TAMALIN: variants seen among roughly 807,000 people sequenced by gnomAD.
TAMALIN encodes the protein trafficking regulator and scaffold protein tamalin, also known as protein TAMALIN.
TAMALIN carries 9 observed loss-of-function variants against 38.5 expected under a neutral mutation model. That is an observed-to-expected ratio of 0.23 (90% CI 0.14 to 0.41). The LOEUF (loss-of-function observed/expected upper bound fraction) is 0.41, where lower values mean the gene tolerates loss of function less well. Ranked by LOEUF, TAMALIN falls within the 10% of genes least tolerant of loss-of-function variation. The pLI is 1.00. For synonymous variants in TAMALIN, 306 were observed against 256.5 expected (o/e 1.19, Z -1.85); for missense variants, 548 against 554.1 (o/e 0.99, Z 0.11).
rs1942430378 is a variant in TAMALIN, at chr12:52,007,385, C to G, written c.246+120C>G. 9 of 1,270,012 alleles carry G rather than the reference C, an allele frequency of 7.1e-6. No homozygotes were observed. The South Asian group carries it at 1.4e-4, about 20-fold the overall frequency. The allele number at this position is 1,270,012 out of a possible 1,614,324, so 78.7% of individuals were successfully genotyped here. On this transcript the variant is annotated intron_variant, in intron 1 of 7. Transcript: ENST00000293662. The surrounding 1 kb of genome is among the most constrained non-coding windows in gnomAD (Gnocchi z 6.7). ...GGAGTCCCCCACCTTCTTCCCCGGC[C>G]CGCTGGGTGCCTCGACTCCCCGCGT... is the stretch of plus-strand genomic sequence containing the variant.
chr12:52,010,459 T>G (rs1942484199), intron 2 of TAMALIN: 2 of 1,012,962 alleles, frequency 2.0e-6, no homozygotes, highest in African/African-American at 3.5e-5. Flanking sequence ...GTGGTCTTGC[T>G]GAGCCTCGTG....
At position 52,010,397 on chromosome 12, in the gene TAMALIN, C is replaced by A. The variant is rs1030104210; in HGVS notation, c.297-484C>A. 5.0e-5 allele frequency: 30 copies of A among 595,552 alleles called. No individual in the cohort carries two copies. The Admixed American group carries it at 6.1e-4, about 12-fold the overall frequency. The allele number at this position is 595,552 out of a possible 1,614,324, so 36.9% of individuals were successfully genotyped here. A position where few individuals can be genotyped will look rare whatever the true frequency, so the allele number is the denominator to read the frequency against. ...AGGGGCGGCCTCGAGGCTCCCCTCCCCCAGCCCCCACATCTGGTGGGCTGG... is the reference window on the plus strand; with the variant it reads ...AGGGGCGGCCTCGAGGCTCCCCTCCACCAGCCCCCACATCTGGTGGGCTGG... On this transcript the variant is annotated intron_variant, in intron 2 of 7. Coordinates refer to ENST00000293662, the MANE Select transcript of TAMALIN (RefSeq NM_181711.4).
In TAMALIN at chr12:52,014,915, C is replaced by A. The variant is rs1468288326; in HGVS notation, c.904C>A (p.Pro302Thr). Residue 302 changes from proline (P) to threonine (T), a missense_variant, in exon 8 of 8, where the codon CCG becomes ACG. This residue lies in a region of TAMALIN where 415 missense variants were observed against 417.0 expected (regional missense o/e 1.00). Coordinates refer to ENST00000293662, the MANE Select transcript of TAMALIN (RefSeq NM_181711.4). ...CGAGCCGCCGGCGCTGCCGCCCCCG[C>A]CGCCCCCGGCCCGCGCCTTCGGCCC... ...DSEPPALPPP[P>T]PPARAFGPGP... 1 of 1,094,670 alleles carries A rather than the reference C, an allele frequency of 9.1e-7. No homozygotes were observed. The highest frequency in any genetic ancestry group is 1.1e-6 in the Non-Finnish European group (1 of 897,576). 67.8% of individuals were successfully genotyped at this position (1,094,670 alleles called of 1,614,324 possible).
chr12:52,011,469 C>T lies in TAMALIN; in HGVS notation c.454+328C>T. The T allele has an allele frequency of 1.8e-6, 1 of 571,204 alleles. No homozygotes were observed. The highest frequency in any genetic ancestry group is 1.9e-5 in the African/African-American group (1 of 53,434). The allele number at this position is 571,204 out of a possible 1,614,324, so 35.4% of individuals were successfully genotyped here. A position where few individuals can be genotyped will look rare whatever the true frequency, so the allele number is the denominator to read the frequency against. ...CTCTGATTCCTCCCAGCAACCCTGGCAGTCAGCATGGGCAGGAGCCAGGGA... is the reference window on the plus strand; with the variant it reads ...CTCTGATTCCTCCCAGCAACCCTGGTAGTCAGCATGGGCAGGAGCCAGGGA... On this transcript the variant is annotated intron_variant, in intron 4 of 7. Coordinates refer to ENST00000293662, the MANE Select transcript of TAMALIN (RefSeq NM_181711.4). This position sits in a 1 kb window ranked among gnomAD's most constrained non-coding sequence, Gnocchi z 5.3.
intron 4 of TAMALIN, among the ~76,000 whole-genome samples, chr12:52,013,086 T>G (rs1486260979): frequency 3.3e-5 from 5 of 149,840 alleles, no homozygotes; most frequent in Non-Finnish European, 7.4e-5. Context: ...TTTTTTTTTT[T>G]TTTTTTTTTG....
At chr12:52,009,279 G>A (rs1372842036) in intron 2 of TAMALIN, 40 bp downstream of exon 2, 2 of 1,601,998 alleles carry the variant, frequency 1.2e-6, no homozygotes, top group Admixed American at 1.7e-5. Context: ...GGTCCAAAGG[G>A]GTGAGGTGCT....
rs766979803 is a variant in TAMALIN, at chr12:52,014,788, C to T, written c.777C>T (p.Phe259=). The T allele has an allele frequency of 2.1e-6, 3 of 1,439,062 alleles. No homozygotes were observed. The highest frequency in any genetic ancestry group is 1.4e-5 in the South Asian group (1 of 70,938). 89.1% of individuals were successfully genotyped at this position (1,439,062 alleles called of 1,614,324 possible). ...GCCTGCTCCCGGGCTCGCTGCCCTT[C>T]GGGCCTCTGCTCGCCGTGCCCGGGC... is the stretch of plus-strand genomic sequence containing the variant. ...GAGLLPGSLP[F]GPLLAVPGRP... Residue 259 remains phenylalanine (F), a synonymous_variant, in exon 8 of 8, where the codon TTC becomes TTT. Coordinates refer to ENST00000293662, the MANE Select transcript of TAMALIN (RefSeq NM_181711.4).
chr12:52,014,035 T>G (rs1937726254), intron 6 of TAMALIN, 92 bp downstream of exon 6: 14 of 1,544,342 alleles, frequency 9.1e-6, no homozygotes, highest in Non-Finnish European at 1.3e-5. Context: ...CTCCTGTAAC[T>G]GAAGATTTCT....
In TAMALIN at chr12:52,015,163, C is replaced by G. The variant is rs747169769; in HGVS notation, c.1152C>G (p.Leu384=). 1.8e-5 allele frequency: 28 copies of G among 1,594,300 alleles called. No individual in the cohort carries two copies. In the East Asian group the frequency reaches 5.6e-4, roughly 32 times the overall value. Residue 384 remains leucine, a synonymous_variant, in exon 8 of 8, where the codon CTC becomes CTG. Transcript: ENST00000293662. ...GGCTGCTCAAGTTCATCCCCGGACT[C>G]AACCGCTCCCTGGAGGAGGAGGAGA... ...RRRLLKFIPG[L]NRSLEEEESQ...
intron 6 of TAMALIN, 34 bp downstream of exon 6, chr12:52,013,977 C>G (rs767036728): frequency 6.2e-7 from 1 of 1,606,092 alleles, no homozygotes; most frequent in Non-Finnish European, 8.5e-7. Flanking sequence ...AGCCTCCACC[C>G]TCCTCTTCCC....
chr12:52,014,890 C>G lies in TAMALIN; in HGVS notation c.879C>G (p.Ser293=), dbSNP rs1234907092. The change falls in exon 8 of 8, where the codon TCC becomes TCG. Residue 293 remains serine (S), a synonymous_variant. Transcript: ENST00000293662. ...AVYHTCFFGD[S]EPPALPPPPP... ...ACCACACGTGCTTCTTCGGGGACTC[C>G]GAGCCGCCGGCGCTGCCGCCCCCGC... 40 of 1,229,226 alleles carry G rather than the reference C, an allele frequency of 3.3e-5. No homozygotes were observed. The highest frequency in any genetic ancestry group is 4.0e-5 in the Non-Finnish European group (39 of 975,996). The allele number at this position is 1,229,226 out of a possible 1,614,324, so 76.1% of individuals were successfully genotyped here. A position where few individuals can be genotyped will look rare whatever the true frequency, so the allele number is the denominator to read the frequency against.
chr12:52,009,196 G>A lies in TAMALIN; in HGVS notation c.253G>A (p.Gly85Arg). The change falls in exon 2 of 8, where the codon GGA (glycine) becomes AGA (arginine). Residue 85 changes from glycine to arginine, a missense_variant. Physicochemically the swap from Gly to Arg is moderately radical, Grantham distance 125. This residue lies in a region of TAMALIN where 5 missense variants were observed against 19.2 expected (regional missense o/e 0.26). Transcript: ENST00000293662. ...GGTLPRRKGS[G>R]FRWKNLSQSP... is the part of the protein sequence containing the mutation. ...TGACCATCTTACTGCCCAGGGCTCA[G>A]GATTCCGCTGGAAGAATCTCAGCCA... The A allele has an allele frequency of 6.2e-7, 1 of 1,614,092 alleles. No homozygotes were observed. The highest frequency in any genetic ancestry group is 8.5e-7 in the Non-Finnish European group (1 of 1,180,002).
rs1228763656 is a variant in TAMALIN, at chr12:52,007,044, C to T, written c.25C>T (p.Leu9=). The T allele has an allele frequency of 6.9e-7, 1 of 1,450,244 alleles. No homozygotes were observed. The highest frequency in any genetic ancestry group is 9.0e-7 in the Non-Finnish European group (1 of 1,109,428). The allele number at this position is 1,450,244 out of a possible 1,614,324, so 89.8% of individuals were successfully genotyped here. A position where few individuals can be genotyped will look rare whatever the true frequency, so the allele number is the denominator to read the frequency against. The part of the protein sequence containing the change: MTLRRLRK[L]QQKEEAAATP... ...CATGACCCTCCGCCGACTCAGGAAG[C>T]TGCAGCAGAAGGAGGAGGCGGCGGC... The change falls in exon 1 of 8, where the codon CTG becomes TTG. Residue 9 remains leucine (L), a synonymous_variant. Coordinates refer to ENST00000293662, the MANE Select transcript of TAMALIN (RefSeq NM_181711.4). This position sits in a 1 kb window ranked among gnomAD's most constrained non-coding sequence, Gnocchi z 6.7.
At chr12:52,014,302 C>T in intron 7 of TAMALIN, 101 bp downstream of exon 7, 1 of 971,152 alleles carries the variant, frequency 1.0e-6, no homozygotes, top group Non-Finnish European at 1.6e-6. Flanking sequence ...GAACGGTTTA[C>T]TAGTAAACCT....
chr12:52,009,791 T>TC (rs1352470427), intron 2 of TAMALIN, among the ~76,000 whole-genome samples: 1 of 152,208 alleles, frequency 6.6e-6, no homozygotes, highest in Non-Finnish European at 1.5e-5. Context: ...TCTACTCATG[T>TC]CCCATCCCTG....
rs1204623390 is a variant in TAMALIN, at chr12:52,011,063, G to A, written c.376G>A (p.Glu126Lys). 6 of 1,613,256 alleles carry A rather than the reference G, an allele frequency of 3.7e-6. No homozygotes were observed. Residue 126 changes from glutamate to lysine, a missense_variant, in exon 4 of 8, where the codon GAG (glutamate) becomes AAG (lysine). Glu to Lys is a moderately conservative substitution (Grantham distance 56). Around this residue, in one of 3 missense-constraint regions of TAMALIN, gnomAD observed 415 missense variants for 417.0 expected, o/e 1.00. Transcript: ENST00000293662. The surrounding 1 kb of genome is among the most constrained non-coding windows in gnomAD (Gnocchi z 5.3). ...IQTYGLHHRE[E>K]QRVEMVTFVC... ...GACTTATGGCCTTCACCACCGGGAG[G>A]AGCAGCGTGTGGAAATGGTGACCTT...
rs1249162854 is a variant in TAMALIN at position 52,007,281 on chromosome 12, G to C, written c.246+16G>C. On this transcript the variant is annotated intron_variant, in intron 1 of 7. Coordinates refer to ENST00000293662, the MANE Select transcript of TAMALIN (RefSeq NM_181711.4). The surrounding 1 kb of genome is among the most constrained non-coding windows in gnomAD (Gnocchi z 6.7). ...CCGCCGAAAGGTGCGTCCCCCGCCCGCCTTCAGGATCTGCTCAGCCCCTCT... is the reference window on the plus strand; with the variant it reads ...CCGCCGAAAGGTGCGTCCCCCGCCCCCCTTCAGGATCTGCTCAGCCCCTCT... The C allele has an allele frequency of 1.4e-6, 2 of 1,398,804 alleles. No individual in the cohort carries two copies. The highest frequency in any genetic ancestry group is 1.9e-6 in the Non-Finnish European group (2 of 1,079,836). The allele number at this position is 1,398,804 out of a possible 1,614,324, so 86.6% of individuals were successfully genotyped here. A position where few individuals can be genotyped will look rare whatever the true frequency, so the allele number is the denominator to read the frequency against.
In TAMALIN at chr12:52,015,012, T is replaced by TGCGGTGC; in HGVS notation, c.1006_1012dup (p.Gly338ValfsTer19). ...GCCGCGCTGAGCCGCAGCGCCAGTG[T>TGCGGTGC]GCGGTGCGCGGGCCCTGGCGGGGGC... On this transcript the variant is annotated frameshift_variant, in exon 8 of 8. Coordinates refer to ENST00000293662, the MANE Select transcript of TAMALIN (RefSeq NM_181711.4). LOFTEE classifies it high-confidence loss of function. 1 of 1,116,532 alleles carries TGCGGTGC rather than the reference T, an allele frequency of 9.0e-7. No homozygotes were observed. Among genetic ancestry groups the TGCGGTGC allele is most frequent in the Non-Finnish European group, 1.1e-6 (1 of 908,578 alleles). 69.2% of individuals were successfully genotyped at this position (1,116,532 alleles called of 1,614,324 possible). A position where few individuals can be genotyped will look rare whatever the true frequency, so the allele number is the denominator to read the frequency against.
intron 7 of TAMALIN, 68 bp downstream of exon 7, chr12:52,014,269 C>A: frequency 7.5e-7 from 1 of 1,334,746 alleles, no homozygotes; most frequent in Non-Finnish European, 1.1e-6. Context: ...GCTTCCCCCT[C>A]AGAACTGGCG....
Sources: gnomAD v4.1 joint callset for allele counts (sites outside exome capture counted in the v4.1 genomes callset) on GRCh38, gnomAD v4.1.1 for gene constraint, gnomAD v4.1.1 regional missense constraint, Gnocchi (gnomAD v3.1) non-coding constraint, MANE v1.5 for transcripts, NCBI Gene and HGNC (gene_info 2026-07-23, HGNC 2026-07-21) for gene names.